The following PCDHGA11 variants were observed in gnomAD, a reference collection of about 807,000 sequenced individuals.
PCDHGA11 encodes protocadherin gamma-A11.
A neutral mutation model predicts 60.4 loss-of-function variants in PCDHGA11; 39 were observed. That is an observed-to-expected ratio of 0.65 (90% CI 0.50 to 0.84). The LOEUF is 0.84. Ranked by LOEUF, PCDHGA11 falls within the 40% of genes least tolerant of loss-of-function variation. The pLI, the probability that PCDHGA11 is intolerant of heterozygous loss-of-function variation, is 0.00. For synonymous variants in PCDHGA11, 533 were observed against 510.3 expected, an observed-to-expected ratio of 1.04 and a Z score of -0.60; for missense variants, 1,165 against 1,197.7, an observed-to-expected ratio of 0.97 and a Z score of 0.40.
intron 1 of PCDHGA11, among the ~76,000 whole-genome samples, chr5:141,473,583 A>G (rs905824343): frequency 6.6e-6 from 1 of 152,226 alleles, no homozygotes; most frequent in Non-Finnish European, 1.5e-5. Flanking sequence ...CTAAGACCAG[A>G]CAGACCTGTA....
In PCDHGA11 at chr5:141,491,848, C is replaced by A; in HGVS notation, c.2434-2959C>A. 1 of 1,461,478 alleles carries A rather than the reference C, an allele frequency of 6.8e-7. No homozygotes were observed. Among genetic ancestry groups the A allele is most frequent in the Non-Finnish European group, 9.1e-7 (1 of 1,104,578 alleles). The allele number at this position is 1,461,478 out of a possible 1,614,324, so 90.5% of individuals were successfully genotyped here. A position where few individuals can be genotyped will look rare whatever the true frequency, so the allele number is the denominator to read the frequency against. On this transcript the variant is annotated intron_variant, in intron 1 of 3. Transcript: ENST00000398587. This position sits in a 1 kb window ranked among gnomAD's most constrained non-coding sequence, Gnocchi z 6.9. ...CACCCGATTCTCGGGATCATTGGAC[C>A]GTTTGCGCGAAACCAGAGTGGCCGA...
At chr5:141,433,837 C>CAAAA (rs56191208) in intron 1 of PCDHGA11, among the ~76,000 whole-genome samples, 6 of 111,700 alleles carry the variant, frequency 5.4e-5, no homozygotes, top group African/African-American at 1.9e-4. Flanking sequence ...AACTCTATCT[C>CAAAA]AAAAAAAAAA....
intron 1 of PCDHGA11, among the ~76,000 whole-genome samples, chr5:141,453,974 T>C (rs1386640440): frequency 6.6e-6 from 1 of 152,242 alleles, no homozygotes; most frequent in Non-Finnish European, 1.5e-5. Flanking sequence ...CATGTAGTTG[T>C]GTTGCCTTCC....
rs13436436 is a variant in PCDHGA11 at position 141,494,301 on chromosome 5, G to C, written c.2434-506G>C. Among the ~76,000 whole-genome samples, 1,119 of 152,302 alleles carry C rather than the reference G, an allele frequency of 7.3e-3. 11 individuals carry two copies. The highest frequency in any genetic ancestry group is 0.026 in the African/African-American group (1,077 of 41,560). Reference sequence around the variant, plus strand: ...CCAGAGAAGATGTCCCTGTGAATGTGTCACTGCACAACCTGGCACCAAAAG... The same window carrying C: ...CCAGAGAAGATGTCCCTGTGAATGTCTCACTGCACAACCTGGCACCAAAAG... On this transcript the variant is annotated intron_variant, in intron 1 of 3. Coordinates refer to ENST00000398587, the MANE Select transcript of PCDHGA11 (RefSeq NM_018914.3).
At chr5:141,509,845 C>G (rs1021433327) in intron 3 of PCDHGA11, among the ~76,000 whole-genome samples, 1 of 152,190 alleles carries the variant, frequency 6.6e-6, no homozygotes, top group African/African-American at 2.4e-5. Context: ...CCCATTCACT[C>G]AGAACAGGGA....
intron 3 of PCDHGA11, 87 bp from the exon 4 acceptor site, chr5:141,510,854 TGTATAG>T: frequency 6.2e-7 from 1 of 1,602,320 alleles, no homozygotes; most frequent in Non-Finnish European, 8.5e-7. Flanking sequence ...CCCAGGGTGC[TGTATAG>T]GCATTCATTA....
intron 1 of PCDHGA11, among the ~76,000 whole-genome samples, chr5:141,449,588 C>CAA (rs768743917): frequency 2.4e-4 from 14 of 57,430 alleles, no homozygotes; most frequent in Non-Finnish European, 3.7e-4. Flanking sequence ...GACTCTGTCT[C>CAA]AAAAAAAAAA....
Position 141,423,126 on chromosome 5 carries a change from G to T in PCDHGA11, c.1899G>T (p.Leu633=), listed in dbSNP as rs1397550571. 6.2e-7 allele frequency: 1 copy of T among 1,613,622 alleles called. No individual in the cohort carries two copies. The highest frequency in any genetic ancestry group is 8.5e-7 in the Non-Finnish European group (1 of 1,179,964). Residue 633 remains leucine (L), a synonymous_variant, in exon 1 of 4, where the codon CTG becomes CTT. Transcript: ENST00000398587. The part of the protein sequence containing the change: ...HTGEVRTARA[L]LDRDALKQSL... ...GCGAGGTGCGTACAGCGCGGGCACT[G>T]CTGGACAGAGACGCGCTCAAGCAGA...
At chr5:141,454,697 T>A (rs768850161) in intron 1 of PCDHGA11, among the ~76,000 whole-genome samples, 14 of 150,312 alleles carry the variant, frequency 9.3e-5, no homozygotes, top group African/African-American at 3.4e-4. Flanking sequence ...TGAGCCACCA[T>A]GCTCCACCTG....
intron 1 of PCDHGA11, chr5:141,478,489 C>G (rs779457709): frequency 5.6e-6 from 9 of 1,613,162 alleles, no homozygotes; most frequent in Middle Eastern, 1.6e-4. Flanking sequence ...CGCTGCGGAG[C>G]TGTGATCCGG....
At chr5:141,441,746 C>CGTCAA in intron 1 of PCDHGA11, 1 of 371,314 alleles carries the variant, frequency 2.7e-6, no homozygotes, top group Non-Finnish European at 5.4e-6. Context: ...TCGCGCTCGG[C>CGTCAA]GTCAACGTGA....
At position 141,421,446 on chromosome 5, in the gene PCDHGA11, A is replaced by G; in HGVS notation, c.219A>G (p.Thr73=). The change falls in exon 1 of 4, where the codon ACA becomes ACG. Residue 73 remains threonine, a synonymous_variant. Coordinates refer to ENST00000398587, the MANE Select transcript of PCDHGA11 (RefSeq NM_018914.3). ...TCCGCATCGTCTCCAGAGGGAAGAC[A>G]CAGCTTTTCGCTGTGAATCCGCGAA... The part of the protein sequence containing the change: ...RGVRIVSRGK[T]QLFAVNPRSG... The G allele has an allele frequency of 6.2e-7, 1 of 1,614,106 alleles. No individual in the cohort carries two copies. The highest frequency in any genetic ancestry group is 8.5e-7 in the Non-Finnish European group (1 of 1,179,926).
intron 1 of PCDHGA11, among the ~76,000 whole-genome samples, chr5:141,454,596 G>C (rs1184158084): frequency 1.3e-5 from 2 of 151,324 alleles, no homozygotes; most frequent in Non-Finnish European, 2.9e-5. Flanking sequence ...AGTAGAGACA[G>C]GGTTTCTCCA....
chr5:141,462,597 T>C (rs182073985), intron 1 of PCDHGA11, among the ~76,000 whole-genome samples: 1 of 152,320 alleles, frequency 6.6e-6, no homozygotes, highest in East Asian at 1.9e-4. Context: ...TTCCATTTCA[T>C]ATATTGTATT....
chr5:141,508,829 C>G (rs370074494), intron 3 of PCDHGA11, among the ~76,000 whole-genome samples: 10 of 152,240 alleles, frequency 6.6e-5, no homozygotes, highest in Middle Eastern at 3.4e-3. Context: ...TCTGGGCCCC[C>G]CTCCCCTACC....
intron 1 of PCDHGA11, among the ~76,000 whole-genome samples, chr5:141,464,417 A>C (rs2099083685): frequency 6.6e-6 from 1 of 151,564 alleles, no homozygotes; most frequent in African/African-American, 2.4e-5. Flanking sequence ...ATATATATCT[A>C]TATATATAGA....
At chr5:141,430,948 A>C (rs753305931) in intron 1 of PCDHGA11, 47 of 1,609,938 alleles carry the variant, frequency 2.9e-5, no homozygotes, top group Non-Finnish European at 4.0e-5. Context: ...CGGAGCGCGG[A>C]GTCCGCATCA....
In PCDHGA11 at chr5:141,477,650, A is replaced by G. The variant is rs199931735; in HGVS notation, c.2434-17157A>G. ...CGGGCTAGTGGGTCGCTATTTCACA[A>G]TAAATCGTGACAATGGCATAGTGTC... On this transcript the variant is annotated intron_variant, in intron 1 of 3. Transcript: ENST00000398587. This position sits in a 1 kb window ranked among gnomAD's most constrained non-coding sequence, Gnocchi z 4.9. The G allele has an allele frequency of 6.2e-6, 10 of 1,614,212 alleles. No individual in the cohort carries two copies. The highest frequency in any genetic ancestry group is 2.2e-5 in the East Asian group (1 of 44,888).
At chr5:141,467,699 T>A (rs1368755814) in intron 1 of PCDHGA11, among the ~76,000 whole-genome samples, 1 of 152,194 alleles carries the variant, frequency 6.6e-6, no homozygotes, top group Non-Finnish European at 1.5e-5. Context: ...TCTGGCTCTG[T>A]TGCCCAGGCT....
Sources: allele counts gnomAD v4.1 joint callset (sites outside exome capture counted in the v4.1 genomes callset), GRCh38; gene constraint gnomAD v4.1.1; non-coding constraint Gnocchi (gnomAD v3.1); transcripts MANE v1.5; gene names NCBI Gene and HGNC (gene_info 2026-07-23, HGNC 2026-07-21).